PRTFDC1: variants seen among roughly 807,000 people sequenced by gnomAD.
PRTFDC1 encodes the protein phosphoribosyl transferase domain containing 1, also known as phosphoribosyltransferase domain-containing protein 1.
Under a neutral mutation model 34.6 loss-of-function variants are expected in PRTFDC1, and 38 were observed. The observed-to-expected ratio is 1.10, with a 90% confidence interval of 0.85 to 1.44. PRTFDC1 has a LOEUF of 1.44. Ranked by LOEUF, PRTFDC1 falls within the 40% of genes most tolerant of loss-of-function variation. PRTFDC1 has a pLI of 0.00. For synonymous variants in PRTFDC1, 93 were observed against 98.1 expected, an observed-to-expected ratio of 0.95 and a Z score of 0.31; for missense variants, 270 against 283.0, an observed-to-expected ratio of 0.95 and a Z score of 0.33.
In PRTFDC1 at chr10:24,849,630, A is replaced by C. The variant is rs1464409225; in HGVS notation, c.*214T>G. 2.7e-5 allele frequency: 14 copies of C among 515,524 alleles called. 1 individual carries two copies. Among genetic ancestry groups the C allele is most frequent in the Non-Finnish European group, 4.8e-5 (14 of 289,742 alleles). The allele number at this position is 515,524 out of a possible 1,614,324, so 31.9% of individuals were successfully genotyped here. A position where few individuals can be genotyped will look rare whatever the true frequency, so the allele number is the denominator to read the frequency against. ...TCACAAGGCGGAGTGTTTAATTTGG[A>C]ACAAGTCAAATAAAAGCACTGCTTT... On this transcript the variant is annotated 3_prime_UTR_variant, in exon 9 of 9. Coordinates refer to ENST00000320152, the MANE Select transcript of PRTFDC1 (RefSeq NM_020200.7).
At chr10:24,853,241 A>T (rs1383035237) in intron 7 of PRTFDC1, among the ~76,000 whole-genome samples, 1 of 152,124 alleles carries the variant, frequency 6.6e-6, no homozygotes, top group African/African-American at 2.4e-5. Flanking sequence ...GCTATTCAAG[A>T]GGCTGAGGCA....
chr10:24,910,265 G>A lies in PRTFDC1; in HGVS notation c.339+26919C>T, dbSNP rs558895984. Among the ~76,000 whole-genome samples, 11 of 152,280 alleles carry A rather than the reference G, an allele frequency of 7.2e-5. No individual in the cohort carries two copies. The East Asian group carries it at 2.1e-3, about 29-fold the overall frequency. On this transcript the variant is annotated intron_variant, in intron 3 of 8. Coordinates refer to ENST00000320152, the MANE Select transcript of PRTFDC1 (RefSeq NM_020200.7). ...TCTTGACAGCTCACACATATTTTAA[G>A]AACTAGGGGAAGAAGACAGCTTTGG... is the stretch of plus-strand genomic sequence containing the variant.
In PRTFDC1 at chr10:24,952,534, G is replaced by C; in HGVS notation, c.42C>G (p.Gly14=). 1.9e-6 allele frequency: 3 copies of C among 1,588,586 alleles called. No homozygotes were observed. The highest frequency in any genetic ancestry group is 2.6e-6 in the Non-Finnish European group (3 of 1,167,176). Residue 14 remains glycine (G), a synonymous_variant, in exon 1 of 9, where the codon GGC becomes GGG. Coordinates refer to ENST00000320152, the MANE Select transcript of PRTFDC1 (RefSeq NM_020200.7). This position sits in a 1 kb window ranked among gnomAD's most constrained non-coding sequence, Gnocchi z 5.1. ...ATAGGGAGTTTGCATTTACCACGAC[G>C]CCTCGCCCGTAGTCTGGCGCCTCCT... ...SSEEAPDYGR[G]VVIMDDWPGY...
intron 3 of PRTFDC1, among the ~76,000 whole-genome samples, chr10:24,929,283 A>AT (rs931108728): frequency 1.3e-5 from 2 of 152,146 alleles, no homozygotes; most frequent in African/African-American, 4.8e-5. Flanking sequence ...GAAAAAATGT[A>AT]TTTAGCGTTT....
chr10:24,928,548 A>G (rs557252999), intron 3 of PRTFDC1, among the ~76,000 whole-genome samples: 1 of 152,196 alleles, frequency 6.6e-6, no homozygotes, highest in African/African-American at 2.4e-5. Flanking sequence ...GGTTCAAGTG[A>G]TTCTATTGCC....
At chr10:24,870,635 T>C (rs1847854401) in intron 4 of PRTFDC1, among the ~76,000 whole-genome samples, 2 of 152,230 alleles carry the variant, frequency 1.3e-5, no homozygotes, top group Admixed American at 1.3e-4. Context: ...CTTTCTAGGA[T>C]GTTGTTTTAT....
chr10:24,902,281 G>A lies in PRTFDC1; in HGVS notation c.340-30218C>T, dbSNP rs78516723. Among the ~76,000 whole-genome samples the A allele has an allele frequency of 5.2e-3, 785 of 152,106 alleles. 10 individuals carry two copies. Among genetic ancestry groups the A allele is most frequent in the African/African-American group, 0.018 (754 of 41,488 alleles). Reference sequence around the variant, plus strand: ...CTAGTTAGGCATTAATCTCTGCCTGGTTAGTTTGGCCAACTCATAGAGCTG... The same window carrying A: ...CTAGTTAGGCATTAATCTCTGCCTGATTAGTTTGGCCAACTCATAGAGCTG... On this transcript the variant is annotated intron_variant, in intron 3 of 8. Transcript: ENST00000320152.
intron 3 of PRTFDC1, among the ~76,000 whole-genome samples, chr10:24,876,061 A>G (rs1224787117): frequency 6.6e-6 from 1 of 152,000 alleles, no homozygotes; most frequent in Non-Finnish European, 1.5e-5. Flanking sequence ...TTGATAGGGC[A>G]AGTCTACTTT....
At chr10:24,927,179 T>A (rs1233751996) in intron 3 of PRTFDC1, among the ~76,000 whole-genome samples, 1 of 152,208 alleles carries the variant, frequency 6.6e-6, no homozygotes, top group Non-Finnish European at 1.5e-5. Context: ...GATATTTGTT[T>A]CATGCCAAGT....
intron 7 of PRTFDC1, among the ~76,000 whole-genome samples, chr10:24,853,788 A>G (rs561198388): frequency 2.0e-5 from 3 of 152,340 alleles, no homozygotes; most frequent in East Asian, 1.9e-4. Flanking sequence ...AGGATGATGG[A>G]TCAGCAGGAC....
At chr10:24,897,523 A>T (rs958430391) in intron 3 of PRTFDC1, among the ~76,000 whole-genome samples, 2 of 152,206 alleles carry the variant, frequency 1.3e-5, no homozygotes, top group Middle Eastern at 3.2e-3. Context: ...AAACCCTGTT[A>T]GCATTTTGAT....
intron 3 of PRTFDC1, among the ~76,000 whole-genome samples, chr10:24,889,594 C>T (rs1480191798): frequency 6.6e-6 from 1 of 152,160 alleles, no homozygotes; most frequent in East Asian, 1.9e-4. Flanking sequence ...AAGTGGAAGA[C>T]TTGAAGGGCA....
At chr10:24,884,601 T>C (rs933835611) in intron 3 of PRTFDC1, among the ~76,000 whole-genome samples, 2 of 152,220 alleles carry the variant, frequency 1.3e-5, no homozygotes, top group Non-Finnish European at 2.9e-5. Context: ...TTTTTCTTTT[T>C]GGTCTTATGA....
intron 3 of PRTFDC1, among the ~76,000 whole-genome samples, chr10:24,896,422 G>C (rs1848365637): frequency 6.6e-6 from 1 of 152,128 alleles, no homozygotes. Context: ...CTGGTCCCCG[G>C]TGACAAAAAG....
chr10:24,875,251 T>A (rs777180051), intron 3 of PRTFDC1, among the ~76,000 whole-genome samples: 16 of 152,252 alleles, frequency 1.1e-4, no homozygotes, highest in Non-Finnish European at 2.2e-4. Context: ...ATATTTATCA[T>A]TTCTTGTGTT....
At chr10:24,869,309 G>C (rs1240499993) in intron 4 of PRTFDC1, among the ~76,000 whole-genome samples, 1 of 151,586 alleles carries the variant, frequency 6.6e-6, no homozygotes, top group Non-Finnish European at 1.5e-5. Context: ...ACTATCCTAA[G>C]GCAGCAACTA....
At chr10:24,899,555 T>C (rs1335815855) in intron 3 of PRTFDC1, among the ~76,000 whole-genome samples, 3 of 151,982 alleles carry the variant, frequency 2.0e-5, no homozygotes, top group Non-Finnish European at 4.4e-5. Flanking sequence ...TTTTGGGAAA[T>C]AACAATTTAC....
At chr10:24,897,151 A>G (rs1051088761) in intron 3 of PRTFDC1, among the ~76,000 whole-genome samples, 2 of 152,180 alleles carry the variant, frequency 1.3e-5, no homozygotes, top group Non-Finnish European at 2.9e-5. Context: ...TTGAGGCTGC[A>G]GTGAGCAATT....
At chr10:24,895,240 A>C (rs1006304008) in intron 3 of PRTFDC1, among the ~76,000 whole-genome samples, 2 of 144,678 alleles carry the variant, frequency 1.4e-5, no homozygotes, top group African/African-American at 5.2e-5. Flanking sequence ...CTTCTTCTGG[A>C]AATCTCCACT....
Sources: gnomAD v4.1 joint callset for allele counts (sites outside exome capture counted in the v4.1 genomes callset) on GRCh38, gnomAD v4.1.1 for gene constraint, Gnocchi (gnomAD v3.1) non-coding constraint, MANE v1.5 for transcripts, NCBI Gene and HGNC (gene_info 2026-07-23, HGNC 2026-07-21) for gene names.